Variants in CEP295 observed in about 807,000 individuals in gnomAD.
CEP295 encodes the protein centrosomal protein 295, also known as centrosomal protein of 295 kDa.
In CEP295, 190 loss-of-function variants were observed where a neutral mutation model predicts 291.6. That is an observed-to-expected ratio of 0.65 (90% CI 0.58 to 0.73). CEP295 has a LOEUF of 0.73. CEP295 is among the 30% of genes least tolerant of loss of function. The pLI is 0.00. For synonymous variants in CEP295, 993 were observed against 1,038.8 expected (o/e 0.96, Z 0.85); for missense variants, 2,863 against 2,949.4 (o/e 0.97, Z 0.68).
At position 93,699,044 on chromosome 11, in the gene CEP295, T is replaced by C. The variant is rs2135118821; in HGVS notation, c.4132T>C (p.Leu1378=). The part of the protein sequence containing the change: ...ARQEAREELL[L]HQSEWEGRIS... Reference sequence around the variant, plus strand: ...ACAAGAAGCTCGGGAAGAATTACTTTTACATCAGAGTGAATGGGAGGGAAG... The same window carrying C: ...ACAAGAAGCTCGGGAAGAATTACTTCTACATCAGAGTGAATGGGAGGGAAG... Residue 1378 remains leucine, a synonymous_variant, in exon 15 of 30, where the codon TTA becomes CTA. Coordinates refer to ENST00000325212, the MANE Select transcript of CEP295 (RefSeq NM_033395.2). 2 of 1,546,270 alleles carry C rather than the reference T, an allele frequency of 1.3e-6. No individual in the cohort carries two copies. The highest frequency in any genetic ancestry group is 1.7e-6 in the Non-Finnish European group (2 of 1,147,058).
intron 4 of CEP295, 34 bp from the exon 5 acceptor site, chr11:93,669,643 A>C: frequency 7.5e-7 from 1 of 1,337,284 alleles, no homozygotes; most frequent in Non-Finnish European, 1.0e-6. Flanking sequence ...ATTATCACTG[A>C]GAGATTAATT....
At chr11:93,669,421 T>G (rs1343372951) in intron 4 of CEP295, among the ~76,000 whole-genome samples, 2 of 151,540 alleles carry the variant, frequency 1.3e-5, no homozygotes, top group Non-Finnish European at 2.9e-5. Flanking sequence ...TCTGTTTTTT[T>G]TTTTTTCACT....
rs56688184 is a variant in CEP295 at position 93,679,892 on chromosome 11, T to G, written c.765+340T>G. Among the ~76,000 whole-genome samples, 6 of 152,360 alleles carry G rather than the reference T, an allele frequency of 3.9e-5. No individual in the cohort carries two copies. The East Asian group carries it at 1.2e-3, about 29-fold the overall frequency. On this transcript the variant is annotated intron_variant, in intron 7 of 29. Transcript: ENST00000325212. ...CTATAAATTTGAGGATTCAGTTCAT[T>G]AAATTTGTATTGAGCAAAGCACTTG... is the stretch of plus-strand genomic sequence containing the variant.
chr11:93,717,979 A>G (rs1359942679), intron 18 of CEP295, among the ~76,000 whole-genome samples: 1 of 152,162 alleles, frequency 6.6e-6, no homozygotes, highest in Non-Finnish European at 1.5e-5. Flanking sequence ...TGGCACAACC[A>G]CAGCTCATTG....
intron 17 of CEP295, among the ~76,000 whole-genome samples, chr11:93,703,986 G>A (rs1350762928): frequency 6.6e-6 from 1 of 151,808 alleles, no homozygotes; most frequent in Non-Finnish European, 1.5e-5. Flanking sequence ...TGCCAGGATG[G>A]TCTCCATCTC....
At chr11:93,710,496 ATCTTTT>A (rs1200258879) in intron 18 of CEP295, among the ~76,000 whole-genome samples, 1 of 152,194 alleles carries the variant, frequency 6.6e-6, no homozygotes, top group Non-Finnish European at 1.5e-5. Flanking sequence ...ATAATGAATG[ATCTTTT>A]TAATGTGTTG....
Position 93,729,986 on chromosome 11 carries a change from T to G in CEP295, c.7667+17T>G. 1 of 1,515,540 alleles carries G rather than the reference T, an allele frequency of 6.6e-7. No individual in the cohort carries two copies. The highest frequency in any genetic ancestry group is 8.8e-7 in the Non-Finnish European group (1 of 1,135,400). 93.9% of individuals were successfully genotyped at this position (1,515,540 alleles called of 1,614,324 possible). On this transcript the variant is annotated intron_variant, in intron 28 of 29. Transcript: ENST00000325212. ...GGGTCTAAGGTAGGGTTAATTTTTT[T>G]TTTTTTTTTAGTGATTCACTTTTTG... is the stretch of plus-strand genomic sequence containing the variant.
rs1385377244 is a variant in CEP295, at chr11:93,696,844, T to C, written c.1932T>C (p.His644=). 22 of 1,551,592 alleles carry C rather than the reference T, an allele frequency of 1.4e-5. No homozygotes were observed. Among genetic ancestry groups the C allele is most frequent in the African/African-American group, 2.7e-5 (2 of 73,054 alleles). ...AGAGACCGACTGCTATATCAGAGCATTGGGATCAAGGTCAGAGACTCAAGT... is the reference window on the plus strand; with the variant it reads ...AGAGACCGACTGCTATATCAGAGCACTGGGATCAAGGTCAGAGACTCAAGT... ...KSERPTAISE[H]WDQGQRLKLS... is the part of the protein sequence containing the mutation. The change falls in exon 15 of 30, where the codon CAT becomes CAC. Residue 644 remains histidine (H), a synonymous_variant. Transcript: ENST00000325212.
rs1376636276 is a variant in CEP295, at chr11:93,702,869, G to C, written c.5546G>C (p.Ser1849Thr). The C allele has an allele frequency of 6.4e-7, 1 of 1,551,484 alleles. No individual in the cohort carries two copies. Among genetic ancestry groups the C allele is most frequent in the African/African-American group, 1.4e-5 (1 of 73,042 alleles). The change falls in exon 17 of 30, where the codon AGT becomes ACT. Residue 1849 changes from serine to threonine, a missense_variant. Around this residue, in one of 3 missense-constraint regions of CEP295, gnomAD observed 2,295 missense variants for 2,335.7 expected, o/e 0.98. Coordinates refer to ENST00000325212, the MANE Select transcript of CEP295 (RefSeq NM_033395.2). The part of the protein sequence containing the change: ...CGLDLNQHEL[S>T]AIQEVESPAI... ...TTGGACTTAAACCAGCATGAACTTA[G>C]TGCTATACAAGAAGTAGAGTCACCA...
intron 4 of CEP295, 143 bp downstream of exon 4, chr11:93,669,075 T>C: frequency 1.9e-6 from 1 of 534,158 alleles, no homozygotes; most frequent in Non-Finnish European, 3.3e-6. Flanking sequence ...AAAAATAATG[T>C]TGGGGACAGG....
In CEP295 at chr11:93,693,754, AAAAAAAAG is replaced by A. The variant is rs576663160; in HGVS notation, c.1534-1721_1534-1714del. ...GGGCGACAAGAGCGAAACTATCTCA[AAAAAAAAG>A]AAAAAAAGAAAAAAAGAAAAATTTC... On this transcript the variant is annotated intron_variant, in intron 12 of 29. Coordinates refer to ENST00000325212, the MANE Select transcript of CEP295 (RefSeq NM_033395.2). 2.9e-3 allele frequency among the ~76,000 whole-genome samples: 434 copies of A among 152,146 alleles called. 2 individuals are homozygous for A. Among genetic ancestry groups the A allele is most frequent in the African/African-American group, 8.5e-3 (354 of 41,546 alleles).
At position 93,698,351 on chromosome 11, in the gene CEP295, G is replaced by A. The variant is rs763680260; in HGVS notation, c.3439G>A (p.Asp1147Asn). Reference sequence around the variant, plus strand: ...TCATTTGATAATCCCAACATTTCAGGATAAGTCTCTTAGTTTTCCACAGCA... The same window carrying A: ...TCATTTGATAATCCCAACATTTCAGAATAAGTCTCTTAGTTTTCCACAGCA... ...SCHLIIPTFQ[D>N]KSLSFPQHSL... Residue 1147 changes from aspartate (D) to asparagine (N), a missense_variant, in exon 15 of 30, where the codon GAT (aspartate) becomes AAT (asparagine). Around this residue, in one of 3 missense-constraint regions of CEP295, gnomAD observed 2,295 missense variants for 2,335.7 expected, o/e 0.98. Coordinates refer to ENST00000325212, the MANE Select transcript of CEP295 (RefSeq NM_033395.2). 6.4e-7 allele frequency: 1 copy of A among 1,552,118 alleles called. No individual in the cohort carries two copies. Among genetic ancestry groups the A allele is most frequent in the South Asian group, 1.2e-5 (1 of 84,056 alleles).
chr11:93,706,281 C>T (rs775031981), intron 17 of CEP295, among the ~76,000 whole-genome samples: 1 of 152,170 alleles, frequency 6.6e-6, no homozygotes, highest in Non-Finnish European at 1.5e-5. Context: ...ATATAACCTT[C>T]AAAGAGGTGC....
intron 5 of CEP295, among the ~76,000 whole-genome samples, chr11:93,674,709 A>G (rs1396224495): frequency 6.6e-6 from 1 of 152,270 alleles, no homozygotes; most frequent in Admixed American, 6.5e-5. Context: ...ATAATACAGA[A>G]GACATCCAGC....
Position 93,696,821 on chromosome 11 carries a change from A to G in CEP295, c.1909A>G (p.Arg637Gly). The G allele has an allele frequency of 1.3e-6, 2 of 1,551,714 alleles. No individual in the cohort carries two copies. Among genetic ancestry groups the G allele is most frequent in the Non-Finnish European group, 8.7e-7 (1 of 1,146,998 alleles). Reference sequence around the variant, plus strand: ...ATCAGTGCCATCATGGAAATCTGAGAGACCGACTGCTATATCAGAGCATTG... The same window carrying G: ...ATCAGTGCCATCATGGAAATCTGAGGGACCGACTGCTATATCAGAGCATTG... ...VISVPSWKSE[R>G]PTAISEHWDQ... Residue 637 changes from arginine to glycine, a missense_variant, in exon 15 of 30, where the codon AGA (arginine) becomes GGA (glycine). Physicochemically the swap from Arg to Gly is moderately radical, Grantham distance 125 (BLOSUM62 -2). Around this residue, in one of 3 missense-constraint regions of CEP295, gnomAD observed 2,295 missense variants for 2,335.7 expected, o/e 0.98. Transcript: ENST00000325212.
chr11:93,676,608 A>T lies in CEP295; in HGVS notation c.624+942A>T, dbSNP rs192348752. On this transcript the variant is annotated intron_variant, in intron 6 of 29. Transcript: ENST00000325212. ...TCTAAGATGCAAGAGTAAATCTGAG[A>T]TTTATTTAAAATTGTAAAGTATTAT... 2.1e-4 allele frequency among the ~76,000 whole-genome samples: 32 copies of T among 152,172 alleles called. No individual in the cohort carries two copies. In the East Asian group the frequency reaches 6.0e-3, roughly 28 times the overall value.
At chr11:93,702,722 A>G in intron 16 of CEP295, 54 bp from the exon 17 acceptor site, 1 of 1,538,162 alleles carries the variant, frequency 6.5e-7, no homozygotes, top group South Asian at 1.2e-5. Context: ...AAGAAAAGTT[A>G]GAAGTATGTT....
intron 21 of CEP295, 131 bp downstream of exon 21, chr11:93,723,420 C>G: frequency 1.5e-6 from 1 of 680,428 alleles, no homozygotes; most frequent in Non-Finnish European, 2.5e-6. Context: ...CGTTTTACCA[C>G]AGAATATATT....
chr11:93,730,001 T>C, intron 28 of CEP295, 32 bp downstream of exon 28: 1 of 1,498,974 alleles, frequency 6.7e-7, no homozygotes, highest in Non-Finnish European at 8.9e-7. Context: ...TTTTTAGTGA[T>C]TCACTTTTTG....
Sources: gnomAD v4.1 joint callset for allele counts (sites outside exome capture counted in the v4.1 genomes callset) on GRCh38, gnomAD v4.1.1 for gene constraint, gnomAD v4.1.1 regional missense constraint, MANE v1.5 for transcripts, NCBI Gene and HGNC (gene_info 2026-07-23, HGNC 2026-07-21) for gene names.